FOXP2: variants seen among roughly 807,000 people sequenced by gnomAD.
FOXP2 encodes the protein forkhead box protein P2.
Under a neutral mutation model 115.8 loss-of-function variants are expected in FOXP2, and 12 were observed. That is an observed-to-expected ratio of 0.10 (90% CI 0.07 to 0.17). The LOEUF (loss-of-function observed/expected upper bound fraction) is 0.17, where lower values mean the gene tolerates loss of function less well. Among genes scored for constraint, FOXP2 ranks in the 10% least tolerant of loss-of-function variants. The pLI is 1.00. For synonymous variants in FOXP2, 328 were observed against 297.7 expected, an observed-to-expected ratio of 1.10 and a Z score of -1.05; for missense variants, 629 against 843.5, an observed-to-expected ratio of 0.75 and a Z score of 3.15.
upstream of FOXP2, among the ~76,000 whole-genome samples, chr7:114,410,745 A>T (rs1793142452): frequency 6.6e-6 from 1 of 152,034 alleles, no homozygotes; most frequent in South Asian, 2.1e-4. Context: ...GATGTCTTGG[A>T]TATGTTATAG....
intron 3 of FOXP2, among the ~76,000 whole-genome samples, chr7:114,593,595 G>A (rs1482440462): frequency 6.6e-6 from 1 of 151,958 alleles, no homozygotes; most frequent in Admixed American, 6.6e-5. Context: ...CTATTTGTAT[G>A]TCTCTATGCA....
At chr7:114,444,876 G>A (rs537289174) in intron 2 of FOXP2, among the ~76,000 whole-genome samples, 2 of 151,774 alleles carry the variant, frequency 1.3e-5, no homozygotes, top group South Asian at 4.2e-4. Flanking sequence ...TTATGTCTGG[G>A]TAACCAAGCT....
chr7:114,154,796 T>A (rs1792619538), intron 1 of FOXP2, among the ~76,000 whole-genome samples: 1 of 152,140 alleles, frequency 6.6e-6, no homozygotes, highest in Admixed American at 6.6e-5. Context: ...GACTGCTGGA[T>A]TTAGGACAGT....
chr7:114,549,514 C>A lies in FOXP2; in HGVS notation c.258+14808C>A, dbSNP rs996206347. 2.6e-5 allele frequency among the ~76,000 whole-genome samples: 4 copies of A among 152,182 alleles called. No homozygotes were observed. In the South Asian group the frequency reaches 8.3e-4, roughly 31 times the overall value. On this transcript the variant is annotated intron_variant, in intron 3 of 16. Transcript: ENST00000350908. Reference sequence around the variant, plus strand: ...GGAGGATGGAGGAAGAATGTGAGGTCTCTATGCTATATGTGACTCTGCCCA... The same window carrying A: ...GGAGGATGGAGGAAGAATGTGAGGTATCTATGCTATATGTGACTCTGCCCA...
intron 2 of FOXP2, among the ~76,000 whole-genome samples, chr7:114,517,943 C>T (rs1377252210): frequency 6.6e-6 from 1 of 151,972 alleles, no homozygotes; most frequent in Non-Finnish European, 1.5e-5. Context: ...CAATATTAAT[C>T]CTCCAATCCA....
intron 2 of FOXP2, among the ~76,000 whole-genome samples, chr7:114,514,216 T>A (rs1431861735): frequency 6.6e-6 from 1 of 152,070 alleles, no homozygotes; most frequent in Non-Finnish European, 1.5e-5. Flanking sequence ...AATGACTAAA[T>A]TGAATTAATA....
chr7:114,132,574 T>G, intron 1 of FOXP2, among the ~76,000 whole-genome samples: 1 of 108,450 alleles, frequency 9.2e-6, no homozygotes, highest in African/African-American at 3.9e-5. Context: ...TGTGTGTGTG[T>G]GTGTGTGTGA....
At chr7:114,374,240 T>G (rs566629343) in intron 2 of FOXP2, among the ~76,000 whole-genome samples, 3 of 152,224 alleles carry the variant, frequency 2.0e-5, no homozygotes, top group African/African-American at 7.2e-5. Flanking sequence ...AAGCTTCATA[T>G]GTCACAGAAA....
chr7:114,677,320 T>A (rs962038713), intron 16 of FOXP2, among the ~76,000 whole-genome samples: 1 of 152,208 alleles, frequency 6.6e-6, no homozygotes, highest in African/African-American at 2.4e-5. Flanking sequence ...TATATAAATA[T>A]TCTAGTCATT....
At chr7:114,656,549 T>C in intron 10 of FOXP2, 1 of 442,024 alleles carries the variant, frequency 2.3e-6, no homozygotes, top group Non-Finnish European at 4.5e-6. Context: ...GCTTTGTAAA[T>C]GTATTAAATG....
chr7:114,209,950 G>T (rs1020940595), intron 1 of FOXP2, among the ~76,000 whole-genome samples: 3 of 152,120 alleles, frequency 2.0e-5, no homozygotes, highest in Non-Finnish European at 4.4e-5. Flanking sequence ...GCATTATGAA[G>T]TTCTCATCTT....
At chr7:114,391,659 A>C (rs901137690) in intron 2 of FOXP2, among the ~76,000 whole-genome samples, 2 of 152,208 alleles carry the variant, frequency 1.3e-5, no homozygotes, top group African/African-American at 4.8e-5. Context: ...CTAACTTAAC[A>C]TATTCCTATT....
intron 3 of FOXP2, among the ~76,000 whole-genome samples, chr7:114,535,663 T>C (rs1200281299): frequency 6.6e-6 from 1 of 151,576 alleles, no homozygotes; most frequent in Non-Finnish European, 1.5e-5. Flanking sequence ...AATTATAAGC[T>C]ACTGATCTGT....
At chr7:114,515,767 G>C (rs374576171) in intron 2 of FOXP2, among the ~76,000 whole-genome samples, 1 of 151,850 alleles carries the variant, frequency 6.6e-6, no homozygotes, top group African/African-American at 2.4e-5. Flanking sequence ...CATTGCTTTT[G>C]GTGTTTTAGA....
chr7:114,318,402 A>AGC (rs1797327817), intron 2 of FOXP2, among the ~76,000 whole-genome samples: 1 of 102,736 alleles, frequency 9.7e-6, no homozygotes, highest in Non-Finnish European at 2.1e-5. Flanking sequence ...TTTTTTGGAG[A>AGC]GTATGATTTT....
chr7:114,619,392 A>G (rs1454208440), intron 3 of FOXP2, among the ~76,000 whole-genome samples: 1 of 152,122 alleles, frequency 6.6e-6, no homozygotes, highest in African/African-American at 2.4e-5. Flanking sequence ...AATACATCAT[A>G]TGAGGAGAAT....
intron 2 of FOXP2, among the ~76,000 whole-genome samples, chr7:114,439,891 T>C (rs1274713184): frequency 1.3e-5 from 2 of 152,134 alleles, no homozygotes; most frequent in African/African-American, 2.4e-5. Context: ...TCTTAAAATA[T>C]TATTTTGTAA....
upstream of FOXP2, among the ~76,000 whole-genome samples, chr7:114,160,830 A>C (rs1320940128): frequency 6.8e-6 from 1 of 148,134 alleles, no homozygotes; most frequent in Non-Finnish European, 1.5e-5. Flanking sequence ...GTTCTTTATC[A>C]CAAAGGGATG....
intron 3 of FOXP2, among the ~76,000 whole-genome samples, chr7:114,617,998 A>G (rs1017260396): frequency 3.9e-5 from 6 of 152,156 alleles, no homozygotes; most frequent in African/African-American, 1.4e-4. Flanking sequence ...TTGCCTAGGG[A>G]AGACGTTTAA....
Sources: allele counts gnomAD v4.1 joint callset (sites outside exome capture counted in the v4.1 genomes callset), GRCh38; gene constraint gnomAD v4.1.1; transcripts MANE v1.5; gene names NCBI Gene and HGNC (gene_info 2026-07-23, HGNC 2026-07-21).